FOXN3: variants seen among roughly 807,000 people sequenced by gnomAD.
FOXN3 encodes the protein forkhead box protein N3.
Under a neutral mutation model 38.4 loss-of-function variants are expected in FOXN3, and 7 were observed. The observed-to-expected ratio is 0.18, with a 90% CI of 0.10 to 0.34. FOXN3 has a LOEUF of 0.34. FOXN3 is among the 10% of genes least tolerant of loss of function. The probability of loss-of-function intolerance (pLI) is 1.00; values close to 1 mark genes in which losing one functional copy is unlikely to be tolerated. For missense variants in FOXN3, 456 were observed against 613.4 expected (o/e 0.74, Z 2.71); for synonymous variants, 230 against 242.2 (o/e 0.95, Z 0.47).
In FOXN3 at chr14:89,198,482, A is replaced by C. The variant is rs539100399; in HGVS notation, c.746-17676T>G. Among the ~76,000 whole-genome samples the C allele has an allele frequency of 2.8e-3, 431 of 152,342 alleles. 2 individuals are homozygous for C. Among genetic ancestry groups the C allele is most frequent in the Non-Finnish European group, 3.0e-3 (207 of 68,038 alleles). On this transcript the variant is annotated intron_variant, in intron 4 of 5. Coordinates refer to ENST00000557258, the MANE Select transcript of FOXN3 (RefSeq NM_005197.4). ...AAGAACAGATGAAAACAAGCAAGCA[A>C]ACAAATAAACAAAACTCCAAGTAAG...
chr14:89,222,096 G>A (rs866506346), intron 4 of FOXN3, among the ~76,000 whole-genome samples: 7 of 152,174 alleles, frequency 4.6e-5, no homozygotes, highest in South Asian at 4.1e-4. Context: ...GATTACAGGC[G>A]TGAGCCACCG....
At chr14:89,309,167 A>T (rs1349654699) in intron 3 of FOXN3, among the ~76,000 whole-genome samples, 1 of 152,184 alleles carries the variant, frequency 6.6e-6, no homozygotes, top group Admixed American at 6.5e-5. Context: ...CACAGCTTAC[A>T]GGCCATTCAA....
rs891619936 is a variant in FOXN3, at chr14:89,350,718, G to C, written c.634C>G (p.Pro212Ala). The change falls in exon 3 of 6, where the codon CCA becomes GCA. Residue 212 changes from proline (P) to alanine (A), a missense_variant. Transcript: ENST00000557258. ...ALKKTPYHPH[P>A]HVFNTPPTCP... ...GTGGGAGGTGTATTGAACACGTGTG[G>C]GTGTGGGTGATAAGGTGTCTTTTTC... 2 of 1,602,010 alleles carry C rather than the reference G, an allele frequency of 1.2e-6. No individual in the cohort carries two copies. The highest frequency in any genetic ancestry group is 1.1e-5 in the South Asian group (1 of 89,176).
intron 1 of FOXN3, among the ~76,000 whole-genome samples, chr14:89,530,733 C>T (rs1894542076): frequency 6.6e-6 from 1 of 151,254 alleles, no homozygotes; most frequent in South Asian, 2.1e-4. Context: ...CTTTAGCTTT[C>T]CAAGTAGCTG....
At chr14:89,272,726 G>A (rs775868558) in intron 4 of FOXN3, among the ~76,000 whole-genome samples, 15 of 152,110 alleles carry the variant, frequency 9.9e-5, no homozygotes, top group South Asian at 2.1e-4. Context: ...GGTGGCGCAC[G>A]CCTGTAGTCC....
chr14:89,522,456 T>A (rs534658867), intron 1 of FOXN3, among the ~76,000 whole-genome samples: 1 of 152,234 alleles, frequency 6.6e-6, no homozygotes, highest in South Asian at 2.1e-4. Flanking sequence ...ACAATACAAG[T>A]TAATATAAAA....
intron 1 of FOXN3, among the ~76,000 whole-genome samples, chr14:89,512,296 C>A (rs756128581): frequency 6.6e-6 from 1 of 152,058 alleles, no homozygotes; most frequent in Non-Finnish European, 1.5e-5. Context: ...AAAACGCATA[C>A]GAATAATTAT....
At chr14:89,415,847 T>TACACACACACACACACACACACAC (rs5810462) in intron 1 of FOXN3, among the ~76,000 whole-genome samples, 2,037 of 140,326 alleles carry the variant, frequency 0.015, 39 homozygotes, top group Middle Eastern at 0.018. Flanking sequence ...AACTTTTCTC[T>TACACACACACACACACACACACAC]ACACACACAC....
intron 2 of FOXN3, among the ~76,000 whole-genome samples, chr14:89,394,514 T>G (rs1230616421): frequency 6.6e-6 from 1 of 152,124 alleles, no homozygotes; most frequent in African/African-American, 2.4e-5. Context: ...GTCTCAACTT[T>G]CTAATACATG....
intron 2 of FOXN3, chr14:89,401,576 G>A (rs1173869511): frequency 1.1e-5 from 5 of 455,870 alleles, no homozygotes; most frequent in Admixed American, 4.7e-5. Context: ...TTACCTCTGT[G>A]CCAGGCTCCC....
chr14:89,294,896 T>G (rs1034506531), intron 3 of FOXN3, among the ~76,000 whole-genome samples: 1 of 152,248 alleles, frequency 6.6e-6, no homozygotes, highest in Non-Finnish European at 1.5e-5. Flanking sequence ...TTAATCAAGT[T>G]GCTTTCACTT....
Position 89,390,490 on chromosome 14 carries a change from T to TTAA in FOXN3, c.543+21443_543+21444insTTA, listed in dbSNP as rs1555423282. ...CAGGGATTTTCTCTAAGCTGCTTTTTAAAAAAAAAAAAAAAAAAAGGAAAT... is the reference window on the plus strand; with the variant it reads ...CAGGGATTTTCTCTAAGCTGCTTTTTTAAAAAAAAAAAAAAAAAAAAAGGAAAT... On this transcript the variant is annotated intron_variant, in intron 2 of 5. Transcript: ENST00000557258. Among the ~76,000 whole-genome samples the TTAA allele has an allele frequency of 4.6e-5, 6 of 130,172 alleles. No homozygotes were observed. The South Asian group carries it at 7.3e-4, about 16-fold the overall frequency. The allele number at this position is 130,172 out of a possible 152,430, so 85.4% of individuals were successfully genotyped here.
intron 4 of FOXN3, chr14:89,190,529 T>C: frequency 8.3e-7 from 1 of 1,200,464 alleles, no homozygotes; most frequent in South Asian, 1.4e-5. Context: ...CAAGTTACAG[T>C]TTATGAATGC....
chr14:89,266,448 T>C (rs1596141709), intron 4 of FOXN3, among the ~76,000 whole-genome samples: 1 of 151,960 alleles, frequency 6.6e-6, no homozygotes, highest in Non-Finnish European at 1.5e-5. Context: ...TGCGGGGCGG[T>C]GGTGGTGAAG....
chr14:89,291,659 T>C, intron 3 of FOXN3: 1 of 450,832 alleles, frequency 2.2e-6, no homozygotes, highest in Non-Finnish European at 4.3e-6. Flanking sequence ...ACTCATGCTC[T>C]CTTCCTGTGG....
chr14:89,586,671 T>C (rs1422263465), intron 1 of FOXN3, among the ~76,000 whole-genome samples: 1 of 152,220 alleles, frequency 6.6e-6, no homozygotes, highest in Non-Finnish European at 1.5e-5. Flanking sequence ...GTGCAGGGGA[T>C]GCGGGCAGGT....
intron 3 of FOXN3, among the ~76,000 whole-genome samples, chr14:89,288,382 T>A (rs1333148799): frequency 1.3e-5 from 2 of 152,146 alleles, no homozygotes; most frequent in East Asian, 3.9e-4. Flanking sequence ...TGCACATAGT[T>A]CTTGTATGCC....
chr14:89,220,461 T>A (rs1884428496), intron 4 of FOXN3, among the ~76,000 whole-genome samples: 1 of 152,148 alleles, frequency 6.6e-6, no homozygotes, highest in African/African-American at 2.4e-5. Flanking sequence ...AACTAAAGCA[T>A]CACCATTTTC....
intron 1 of FOXN3, among the ~76,000 whole-genome samples, chr14:89,473,791 C>T (rs888896942): frequency 1.3e-5 from 2 of 152,174 alleles, no homozygotes; most frequent in Non-Finnish European, 2.9e-5. Context: ...GTTCTTTGAA[C>T]ATTACCATGG....
Sources: allele counts gnomAD v4.1 joint callset (sites outside exome capture counted in the v4.1 genomes callset), GRCh38; gene constraint gnomAD v4.1.1; transcripts MANE v1.5; gene names NCBI Gene and HGNC (gene_info 2026-07-23, HGNC 2026-07-21).